Variants in RNF150 observed in about 807,000 individuals in gnomAD.
RNF150 encodes the protein ring finger protein 150.
Under a neutral mutation model 39.3 loss-of-function variants are expected in RNF150, and 24 were observed. That is an observed-to-expected ratio of 0.61 (90% CI 0.44 to 0.86). RNF150 has a LOEUF of 0.86. RNF150 is among the 40% of genes least tolerant of loss of function. The pLI is 0.00. For synonymous variants in RNF150, 255 were observed against 227.3 expected, an observed-to-expected ratio of 1.12 and a Z score of -1.10; for missense variants, 502 against 587.8, an observed-to-expected ratio of 0.85 and a Z score of 1.51.
chr4:140,996,665 A>G (rs918202002), intron 1 of RNF150, among the ~76,000 whole-genome samples: 1 of 152,248 alleles, frequency 6.6e-6, no homozygotes, highest in Admixed American at 6.5e-5. Context: ...CCATTAGAGA[A>G]GCAAGGTAAA....
Position 141,202,336 on chromosome 4 carries a change from C to T in RNF150, c.-6+10458G>A, listed in dbSNP as rs1344892726. On this transcript the variant is annotated intron_variant, in intron 1 of 7. Transcript: ENST00000420921. Reference sequence around the variant, plus strand: ...CAAGTTTCTTTATTTAGGAAGAGAGCTAGGAGAACTTCCTGGACTGCTAAA... The same window carrying T: ...CAAGTTTCTTTATTTAGGAAGAGAGTTAGGAGAACTTCCTGGACTGCTAAA... Among the ~76,000 whole-genome samples, 3 of 151,998 alleles carry T rather than the reference C, an allele frequency of 2.0e-5. No individual in the cohort carries two copies. The East Asian group carries it at 5.8e-4, about 29-fold the overall frequency.
chr4:141,095,354 A>T (rs1738733202), intron 1 of RNF150, among the ~76,000 whole-genome samples: 1 of 152,204 alleles, frequency 6.6e-6, no homozygotes, highest in Non-Finnish European at 1.5e-5. Flanking sequence ...CCCTATGTAG[A>T]GAAAGGAATC....
chr4:141,169,260 C>A (rs1727660082), intron 1 of RNF150, among the ~76,000 whole-genome samples: 1 of 152,062 alleles, frequency 6.6e-6, no homozygotes, highest in South Asian at 2.1e-4. Context: ...CTGCTCTGGG[C>A]ATGTAGGACG....
intron 1 of RNF150, among the ~76,000 whole-genome samples, chr4:141,127,157 C>T (rs1726775177): frequency 7.6e-6 from 1 of 131,172 alleles, no homozygotes; most frequent in African/African-American, 2.9e-5. Context: ...CCGAGATCTA[C>T]CACTTACTGT....
intron 1 of RNF150, among the ~76,000 whole-genome samples, chr4:141,096,190 C>CTTTTTTTTTTTTTTTTTTTTTTT (rs780868429): frequency 1.5e-5 from 1 of 67,970 alleles, no homozygotes; most frequent in African/African-American, 7.0e-5. Context: ...TTTTAGCTTT[C>CTTTTTTTTTTTTTTTTTTTTTTT]TTTTTTTTTT....
intron 1 of RNF150, among the ~76,000 whole-genome samples, chr4:141,046,501 C>T (rs910600505): frequency 7.2e-5 from 11 of 152,188 alleles, no homozygotes; most frequent in Admixed American, 3.3e-4. Context: ...TTACTGACAC[C>T]CACCAGGGCC....
At chr4:141,002,562 A>C (rs1734704371) in intron 1 of RNF150, among the ~76,000 whole-genome samples, 1 of 152,222 alleles carries the variant, frequency 6.6e-6, no homozygotes, top group Non-Finnish European at 1.5e-5. Context: ...CTAACAGAAT[A>C]CATCTCCTTT....
chr4:141,112,888 T>C (rs886638762), intron 1 of RNF150, among the ~76,000 whole-genome samples: 22 of 151,990 alleles, frequency 1.4e-4, no homozygotes, highest in African/African-American at 3.1e-4. Flanking sequence ...GGTCTTTTCA[T>C]ACAGTCCCAT....
At chr4:141,066,255 C>T (rs1737456239) in intron 1 of RNF150, among the ~76,000 whole-genome samples, 1 of 149,856 alleles carries the variant, frequency 6.7e-6, no homozygotes, top group African/African-American at 2.4e-5. Context: ...AAAAAAAAAC[C>T]ATTCCTCAGT....
At chr4:141,162,533 C>G (rs1416433721) in intron 1 of RNF150, among the ~76,000 whole-genome samples, 2 of 152,040 alleles carry the variant, frequency 1.3e-5, no homozygotes, top group Non-Finnish European at 2.9e-5. Context: ...TGAATAGGAA[C>G]AGCTCCTGTC....
intron 1 of RNF150, among the ~76,000 whole-genome samples, chr4:141,031,946 T>C (rs1299276298): frequency 1.3e-5 from 2 of 151,942 alleles, no homozygotes; most frequent in African/African-American, 4.8e-5. Flanking sequence ...TTATTCACAA[T>C]AGTCAAGATA....
chr4:140,923,880 C>T (rs1473460621), intron 5 of RNF150, among the ~76,000 whole-genome samples: 1 of 151,684 alleles, frequency 6.6e-6, no homozygotes, highest in Non-Finnish European at 1.5e-5. Context: ...GACAAAAAAC[C>T]AAACACAGCA....
chr4:141,191,176 G>A (rs1027297574), intron 1 of RNF150, among the ~76,000 whole-genome samples: 8 of 152,178 alleles, frequency 5.3e-5, no homozygotes, highest in Non-Finnish European at 1.2e-4. Context: ...GATGGTGACC[G>A]CTAAGTTAGG....
At chr4:140,992,011 A>G (rs952420368) in intron 1 of RNF150, among the ~76,000 whole-genome samples, 19 of 152,204 alleles carry the variant, frequency 1.2e-4, no homozygotes, top group African/African-American at 4.3e-4. Flanking sequence ...AGACTTTACT[A>G]ATAATATCTG....
intron 1 of RNF150, among the ~76,000 whole-genome samples, chr4:140,993,973 T>G (rs1239443782): frequency 6.6e-6 from 1 of 152,122 alleles, no homozygotes; most frequent in Non-Finnish European, 1.5e-5. Flanking sequence ...GTGGGTGTTG[T>G]TGACATAACA....
At chr4:140,951,979 C>T (rs1732558562) in intron 2 of RNF150, among the ~76,000 whole-genome samples, 1 of 151,930 alleles carries the variant, frequency 6.6e-6, no homozygotes, top group Non-Finnish European at 1.5e-5. Flanking sequence ...TATGTTCATA[C>T]AATGGTCATA....
In RNF150 at chr4:140,942,049, C is replaced by T. The variant is rs191613321; in HGVS notation, c.890+5605G>A. ...CAGAGTTTCATGTTGGAGGTTGAGA[C>T]GTTCTAGAGATGGACAGTGGCGATG... On this transcript the variant is annotated intron_variant, in intron 4 of 6. Coordinates refer to ENST00000515673, the MANE Select transcript of RNF150 (RefSeq NM_020724.2). Among the ~76,000 whole-genome samples the T allele has an allele frequency of 1.6e-3, 241 of 152,146 alleles. 3 individuals carry two copies. Among genetic ancestry groups the T allele is most frequent in the African/African-American group, 5.3e-3 (221 of 41,506 alleles).
intron 1 of RNF150, among the ~76,000 whole-genome samples, chr4:141,078,529 A>G (rs1039595278): frequency 2.6e-5 from 4 of 151,892 alleles, no homozygotes; most frequent in Non-Finnish European, 5.9e-5. Flanking sequence ...CACGCCTGTA[A>G]TCCCAGCACT....
intron 1 of RNF150, among the ~76,000 whole-genome samples, chr4:141,130,461 A>G (rs1306259606): frequency 6.6e-6 from 1 of 151,790 alleles, no homozygotes; most frequent in Non-Finnish European, 1.5e-5. Context: ...CTAAACTTCC[A>G]CTCCCACTAT....
Sources: gnomAD v4.1 joint callset for allele counts (sites outside exome capture counted in the v4.1 genomes callset) on GRCh38, gnomAD v4.1.1 for gene constraint, MANE v1.5 for transcripts, NCBI Gene and HGNC (gene_info 2026-07-23, HGNC 2026-07-21) for gene names.